C2orf78: variants seen among roughly 807,000 people sequenced by gnomAD.
C2orf78 encodes the protein uncharacterized protein C2orf78.
C2orf78 carries 12 observed loss-of-function variants against 21.4 expected under a neutral mutation model. That is an observed-to-expected ratio of 0.56 (90% confidence interval 0.36 to 0.91). The LOEUF (loss-of-function observed/expected upper bound fraction) is 0.91, where lower values mean the gene tolerates loss of function less well. C2orf78 is among the 40% of genes least tolerant of loss of function. The pLI is 0.01. For synonymous variants in C2orf78, 396 were observed against 413.9 expected (o/e 0.96, Z 0.52); for missense variants, 1,042 against 1,092.4 (o/e 0.95, Z 0.65).
intron 1 of C2orf78, 22 bp from the exon 2 acceptor site, chr2:73,813,455 A>T: frequency 1.3e-6 from 2 of 1,542,080 alleles, no homozygotes; most frequent in South Asian, 1.3e-5. Flanking sequence ...CGGTTTTTTC[A>T]TCTCTCTCTT....
Position 73,815,056 on chromosome 2 carries a change from T to C in C2orf78, c.848-15T>C. ...CACTTACCAGGGACTGACTTCTTCCTTGATTCCTTTGTAGTGATGGAAACT... is the reference window on the plus strand; with the variant it reads ...CACTTACCAGGGACTGACTTCTTCCCTGATTCCTTTGTAGTGATGGAAACT... On this transcript the variant is annotated splice_polypyrimidine_tract_variant and intron_variant, in intron 2 of 2. Transcript: ENST00000409561. 6.3e-7 allele frequency: 1 copy of C among 1,594,414 alleles called. No individual in the cohort carries two copies. Among genetic ancestry groups the C allele is most frequent in the Non-Finnish European group, 8.5e-7 (1 of 1,169,938 alleles).
chr2:73,810,250 G>A (rs1332273312), intron 1 of C2orf78, among the ~76,000 whole-genome samples: 3 of 151,966 alleles, frequency 2.0e-5, no homozygotes, highest in Non-Finnish European at 4.4e-5. Flanking sequence ...TGCTTTAGAG[G>A]CCGGGCAGGA....
At chr2:73,813,717 A>C in exon 2 of C2orf78, 1 of 1,614,076 alleles carries the variant, frequency 6.2e-7, no homozygotes, top group South Asian at 1.1e-5. Flanking sequence ...GTTACTGGCC[A>C]GAGCCATATC....
At chr2:73,807,161 CAGAG>C (rs1211665197) in intron 1 of C2orf78, among the ~76,000 whole-genome samples, 2 of 123,998 alleles carry the variant, frequency 1.6e-5, no homozygotes, top group African/African-American at 7.0e-5. Context: ...GCCTGGGTGA[CAGAG>C]AGAGACTCTG....
exon 2 of C2orf78, chr2:73,814,082 A>G: frequency 6.2e-7 from 1 of 1,613,712 alleles, no homozygotes; most frequent in Non-Finnish European, 8.5e-7. Flanking sequence ...TGTGTCATAC[A>G]CAGGATATAG....
chr2:73,814,005 G>A (rs553669093), exon 2 of C2orf78: 1 of 1,614,010 alleles, frequency 6.2e-7, no homozygotes, highest in East Asian at 2.2e-5. Context: ...CAGATAGGAA[G>A]CCAGGTCTAT....
At chr2:73,813,920 C>G in exon 2 of C2orf78, 1 of 1,614,064 alleles carries the variant, frequency 6.2e-7, no homozygotes, top group Non-Finnish European at 8.5e-7. Context: ...GTATCCATCA[C>G]TATCTGCCAG....
intron 2 of C2orf78, among the ~76,000 whole-genome samples, chr2:73,814,621 A>G (rs1383097624): frequency 6.6e-6 from 1 of 152,182 alleles, no homozygotes; most frequent in Admixed American, 6.5e-5. Context: ...ATAGGATTTA[A>G]GACCTTGTGT....
chr2:73,786,249 G>C (rs377695014), intron 1 of C2orf78, among the ~76,000 whole-genome samples: 2 of 151,476 alleles, frequency 1.3e-5, no homozygotes, highest in African/African-American at 2.4e-5. Context: ...GTGTGGTGGC[G>C]TGCACCTGTA....
At chr2:73,797,850 G>A (rs1225970493) in intron 1 of C2orf78, among the ~76,000 whole-genome samples, 4 of 18,112 alleles carry the variant, frequency 2.2e-4, no homozygotes, top group South Asian at 1.8e-3. Flanking sequence ...AGGAGAGTCC[G>A]TTTTCCACAC....
chr2:73,792,545 T>C (rs1382804616), intron 1 of C2orf78, among the ~76,000 whole-genome samples: 14 of 139,790 alleles, frequency 1.0e-4, no homozygotes, highest in Admixed American at 4.2e-4. Context: ...TTGAATTGTT[T>C]GTCACAGAAA....
intron 1 of C2orf78, among the ~76,000 whole-genome samples, chr2:73,810,441 C>G (rs1205756983): frequency 6.6e-6 from 1 of 150,878 alleles, no homozygotes; most frequent in Non-Finnish European, 1.5e-5. Flanking sequence ...GCAGGAGAAT[C>G]GTTTGAACCC....
chr2:73,814,441 A>G (rs893609676), intron 2 of C2orf78, among the ~76,000 whole-genome samples: 1 of 152,212 alleles, frequency 6.6e-6, no homozygotes, highest in Non-Finnish European at 1.5e-5. Context: ...GCTACATGTA[A>G]GAGAATCGCA....
chr2:73,808,710 A>T (rs548128116), intron 1 of C2orf78: 13 of 1,513,210 alleles, frequency 8.6e-6, no homozygotes, highest in Non-Finnish European at 1.1e-5. Flanking sequence ...CACCTGGTAG[A>T]ATCTTGGGGT....
intron 1 of C2orf78, among the ~76,000 whole-genome samples, chr2:73,808,080 C>G (rs1353406275): frequency 6.6e-6 from 1 of 151,024 alleles, no homozygotes; most frequent in East Asian, 1.9e-4. Context: ...GGGTGAAACC[C>G]TGTCCCTACT....
At chr2:73,792,763 GAAGA>G (rs1558539303) in intron 1 of C2orf78, among the ~76,000 whole-genome samples, 3 of 90,022 alleles carry the variant, frequency 3.3e-5, no homozygotes, top group African/African-American at 1.5e-4. Flanking sequence ...TCTTATGTGA[GAAGA>G]AAGAAAGTAT....
intron 1 of C2orf78, among the ~76,000 whole-genome samples, chr2:73,810,969 C>CATATATATATATATATATATATATATAT (rs35395110): frequency 7.3e-6 from 1 of 136,122 alleles, no homozygotes; most frequent in African/African-American, 2.7e-5. Flanking sequence ...ATGTATATTT[C>CATATATATATATATATATATATATATAT]ATATATATAT....
At chr2:73,786,064 AAG>A (rs531673462) in intron 1 of C2orf78, among the ~76,000 whole-genome samples, 5 of 151,900 alleles carry the variant, frequency 3.3e-5, no homozygotes, top group Non-Finnish European at 2.9e-5. Context: ...AAAAAAAAGA[AAG>A]AGAGAAATAT....
rs190141035 is a variant in C2orf78 at position 73,816,669 on chromosome 2, A to G, written c.2446A>G (p.Lys816Glu). ...TGCTGCTTCTAGGCCATCAGCCTAC[A>G]AAACATCATCTTGTTCTTCTCTGCA... The change falls in exon 3 of 3, where the codon AAA (lysine) becomes GAA (glutamate). Residue 816 changes from lysine (K) to glutamate (E), a missense_variant. Around this residue, in one of 2 missense-constraint regions of C2orf78, gnomAD observed 1,039 missense variants for 1,069.7 expected, o/e 0.97. Coordinates refer to ENST00000409561, the Ensembl canonical transcript of C2orf78. 1.8e-5 allele frequency: 29 copies of G among 1,614,010 alleles called. No individual in the cohort carries two copies. In the Admixed American group the frequency reaches 4.8e-4, roughly 27 times the overall value.
Sources: gnomAD v4.1 joint callset for allele counts (sites outside exome capture counted in the v4.1 genomes callset) on GRCh38, gnomAD v4.1.1 for gene constraint, gnomAD v4.1.1 regional missense constraint, MANE v1.5 for transcripts, NCBI Gene and HGNC (gene_info 2026-07-23, HGNC 2026-07-21) for gene names.